LAMB3: variants seen among roughly 807,000 people sequenced by gnomAD.
LAMB3 encodes laminin subunit beta-3.
LAMB3 carries 104 observed loss-of-function variants against 140.3 expected under a neutral mutation model. The ratio of observed to expected loss-of-function variants is 0.74; its 90% CI spans 0.63 to 0.87. The LOEUF (loss-of-function observed/expected upper bound fraction) is 0.87, where lower values mean the gene tolerates loss of function less well. Ranked by LOEUF, LAMB3 falls within the 40% of genes least tolerant of loss-of-function variation. LAMB3 has a pLI of 0.00. For synonymous variants in LAMB3, 592 were observed against 602.9 expected (o/e 0.98, Z 0.26); for missense variants, 1,531 against 1,575.2 (o/e 0.97, Z 0.47).
In LAMB3 at chr1:209,623,779, G is replaced by A; in HGVS notation, c.2138-54C>T. On this transcript the variant is annotated intron_variant, in intron 15 of 22. Coordinates refer to ENST00000356082, the MANE Select transcript of LAMB3 (RefSeq NM_000228.3). The surrounding 1 kb of genome is among the most constrained non-coding windows in gnomAD (Gnocchi z 4.2). The stretch of plus-strand genomic sequence containing the variant: ...TGGAGGAGGAGCAGGAGGGAGAGGG[G>A]GTGGCATGCCCACCACGGCAGTGCC... 1 of 1,613,258 alleles carries A rather than the reference G, an allele frequency of 6.2e-7. No homozygotes were observed. Among genetic ancestry groups the A allele is most frequent in the Non-Finnish European group, 8.5e-7 (1 of 1,179,360 alleles).
At chr1:209,624,137 C>T in intron 14 of LAMB3, 137 bp from the exon 15 acceptor site, 1 of 726,474 alleles carries the variant, frequency 1.4e-6, no homozygotes, top group Non-Finnish European at 2.3e-6. Context: ...AGAGAATCCA[C>T]AGGCTAAGGG....
Position 209,625,809 on chromosome 1 carries a change from G to A in LAMB3, c.1815C>T (p.Ala605=). ...QALRFGRLRN[A]TASLWSGPGL... is the part of the protein sequence containing the mutation. Reference sequence around the variant, plus strand: ...CAGGCCCTGACCACAGGCTGGCGGTGGCATTGCGGAGTCTACCAAAGCGCA... The same window carrying A: ...CAGGCCCTGACCACAGGCTGGCGGTAGCATTGCGGAGTCTACCAAAGCGCA... Residue 605 remains alanine, a synonymous_variant, in exon 14 of 23, where the codon GCC becomes GCT. Coordinates refer to ENST00000356082, the MANE Select transcript of LAMB3 (RefSeq NM_000228.3). 6.2e-7 allele frequency: 1 copy of A among 1,614,138 alleles called. No homozygotes were observed. The highest frequency in any genetic ancestry group is 8.5e-7 in the Non-Finnish European group (1 of 1,180,014).
chr1:209,624,614 C>A (rs1051594750), intron 14 of LAMB3, among the ~76,000 whole-genome samples: 1 of 152,222 alleles, frequency 6.6e-6, no homozygotes, highest in Non-Finnish European at 1.5e-5. Flanking sequence ...TGGAATGCCC[C>A]TCCATGCCTG....
intron 3 of LAMB3, among the ~76,000 whole-genome samples, chr1:209,642,699 G>A (rs1388374692): frequency 2.0e-5 from 3 of 152,088 alleles, no homozygotes; most frequent in Admixed American, 1.3e-4. Context: ...GGCTGGTCTC[G>A]AACTCCTGAC....
At chr1:209,617,257 C>T (rs1420780712) in intron 21 of LAMB3, among the ~76,000 whole-genome samples, 153 bp downstream of exon 21, 1 of 152,202 alleles carries the variant, frequency 6.6e-6, no homozygotes, top group East Asian at 1.9e-4. Flanking sequence ...AATCAGATGC[C>T]TGGCCAGGTT....
intron 18 of LAMB3, among the ~76,000 whole-genome samples, chr1:209,621,050 A>T (rs1377185603): frequency 6.6e-6 from 1 of 152,110 alleles, no homozygotes; most frequent in African/African-American, 2.4e-5. Context: ...TCATCATAAG[A>T]CTTGACCTGA....
At position 209,630,709 on chromosome 1, in the gene LAMB3, G is replaced by T; in HGVS notation, c.849C>A (p.His283Gln). Residue 283 changes from histidine to glutamine, a missense_variant, in exon 9 of 23, where the codon CAC (histidine) becomes CAA (glutamine). Transcript: ENST00000356082. The stretch of plus-strand genomic sequence containing the variant: ...GCTCACAATTTGGGCCGGCAGTGTT[G>T]TGCTGGCAGACACAGACATCGTGGA... ...VQVHDVCVCQ[H>Q]NTAGPNCERC... 6.2e-7 allele frequency: 1 copy of T among 1,614,040 alleles called. No individual in the cohort carries two copies. Among genetic ancestry groups the T allele is most frequent in the Non-Finnish European group, 8.5e-7 (1 of 1,180,008 alleles).
rs764412477 is a variant in LAMB3 at position 209,629,885 on chromosome 1, G to C, written c.984C>G (p.Asp328Glu). 1 of 1,614,188 alleles carries C rather than the reference G, an allele frequency of 6.2e-7. No individual in the cohort carries two copies. Among genetic ancestry groups the C allele is most frequent in the Admixed American group, 1.7e-5 (1 of 60,032 alleles). ...CNGHSETCHF[D>E]PAVFAASQGA... Reference sequence around the variant, plus strand: ...CCTGGCTGGCGGCAAACACAGCGGGGTCAAAGTGACATGTCTCTGAGTGCC... The same window carrying C: ...CCTGGCTGGCGGCAAACACAGCGGGCTCAAAGTGACATGTCTCTGAGTGCC... Residue 328 changes from aspartate (D) to glutamate (E), a missense_variant, in exon 10 of 23, where the codon GAC (aspartate) becomes GAG (glutamate). Physicochemically the swap from Asp to Glu is conservative, Grantham distance 45 (BLOSUM62 2). Coordinates refer to ENST00000356082, the MANE Select transcript of LAMB3 (RefSeq NM_000228.3).
In LAMB3 at chr1:209,627,928, T is replaced by TG. The variant is rs1666531464; in HGVS notation, c.1288+106dup. On this transcript the variant is annotated intron_variant, in intron 11 of 22. Transcript: ENST00000356082. ...CCGGGCATACCCCCTCTGTCTACCC[T>TG]GCAGTGGGATTTCCTCTGAAGAGAG... 7 of 1,395,444 alleles carry TG rather than the reference T, an allele frequency of 5.0e-6. No individual in the cohort carries two copies. In the South Asian group the frequency reaches 8.6e-5, roughly 17 times the overall value. 86.4% of individuals were successfully genotyped at this position (1,395,444 alleles called of 1,614,324 possible). A position where few individuals can be genotyped will look rare whatever the true frequency, so the allele number is the denominator to read the frequency against.
Position 209,628,134 on chromosome 1 carries a change from C to T in LAMB3, c.1189G>A (p.Gly397Arg), listed in dbSNP as rs779219301. Reference sequence around the variant, plus strand: ...ACATGCTCCTTGCACACACACTGCCCGGTCACTGGGTCACAGGGAGCCCCT... The same window carrying T: ...ACATGCTCCTTGCACACACACTGCCTGGTCACTGGGTCACAGGGAGCCCCT... ...VPGAPCDPVT[G>R]QCVCKEHVQG... The change falls in exon 11 of 23, where the codon GGG becomes AGG. Residue 397 changes from glycine (G) to arginine (R), a missense_variant. Transcript: ENST00000356082. 5 of 1,580,926 alleles carry T rather than the reference C, an allele frequency of 3.2e-6. No individual in the cohort carries two copies. The highest frequency in any genetic ancestry group is 1.2e-5 in the South Asian group (1 of 86,772).
At chr1:209,634,406 A>T (rs760097804) in intron 6 of LAMB3, 41 bp downstream of exon 6, 1 of 1,592,174 alleles carries the variant, frequency 6.3e-7, no homozygotes, top group Non-Finnish European at 8.6e-7. Context: ...GACATCAGGG[A>T]TTTCTCCCCA....
At chr1:209,615,498 G>T in intron 22 of LAMB3, 91 bp from the exon 23 acceptor site, 1 of 1,431,334 alleles carries the variant, frequency 7.0e-7, no homozygotes, top group Non-Finnish European at 9.4e-7. Flanking sequence ...CTAACTGGAG[G>T]TAGCATGTGT....
In LAMB3 at chr1:209,623,465, G is replaced by T. The variant is rs7544976; in HGVS notation, c.2358+40C>A. The T allele has an allele frequency of 2.7e-3, 4,218 of 1,578,860 alleles. 86 individuals carry two copies. The African/African-American group carries it at 0.046, about 17-fold the overall frequency. Reference sequence around the variant, plus strand: ...AGCAGTTGGTGTGTGACAAGCTGGGGTGTGGGCTCCAGGAAGTGGGACTCC... The same window carrying T: ...AGCAGTTGGTGTGTGACAAGCTGGGTTGTGGGCTCCAGGAAGTGGGACTCC... On this transcript the variant is annotated intron_variant, in intron 16 of 22. Coordinates refer to ENST00000356082, the MANE Select transcript of LAMB3 (RefSeq NM_000228.3). The surrounding 1 kb of genome is among the most constrained non-coding windows in gnomAD (Gnocchi z 4.2).
intron 6 of LAMB3, among the ~76,000 whole-genome samples, chr1:209,633,613 A>G (rs1258442775): frequency 6.6e-6 from 1 of 152,200 alleles, no homozygotes; most frequent in Admixed American, 6.5e-5. Context: ...GAGTTTTCAC[A>G]TCAGCCCTCC....
chr1:209,625,857 A>C lies in LAMB3; in HGVS notation c.1767T>G (p.Asp589Glu). ...VACHPCFQTYDADLREQALRF... is the reference protein window; with the variant it reads ...VACHPCFQTYEADLREQALRF... ...GCAGGGCCTGCTCCCGGAGGTCCGC[A>C]TCATAGGTCTGGAAGCAAGGGTGGC... is the stretch of plus-strand genomic sequence containing the variant. Residue 589 changes from aspartate to glutamate, a missense_variant, in exon 14 of 23, where the codon GAT (aspartate) becomes GAG (glutamate). Transcript: ENST00000356082. 1 of 1,614,086 alleles carries C rather than the reference A, an allele frequency of 6.2e-7. No individual in the cohort carries two copies. Among genetic ancestry groups the C allele is most frequent in the Non-Finnish European group, 8.5e-7 (1 of 1,179,992 alleles).
intron 4 of LAMB3, 136 bp downstream of exon 4, chr1:209,638,398 A>T (rs947615372): frequency 2.4e-5 from 17 of 710,940 alleles, no homozygotes; most frequent in African/African-American, 3.5e-5. Flanking sequence ...AGGCAGAAAG[A>T]TTCTTCTTAT....
Position 209,649,981 on chromosome 1 carries a change from A to G in LAMB3, c.166T>C (p.Cys56Arg). 2 of 1,614,196 alleles carry G rather than the reference A, an allele frequency of 1.2e-6. No homozygotes were observed. Among genetic ancestry groups the G allele is most frequent in the South Asian group, 1.1e-5 (1 of 91,082 alleles). Reference sequence around the variant, plus strand: ...GGGCCTACCTCGCCATACTGGGTGCAGTAGGTCTCAGGCTTGGTCAGTCCA... The same window carrying G: ...GGGCCTACCTCGCCATACTGGGTGCGGTAGGTCTCAGGCTTGGTCAGTCCA... Reference protein sequence around the residue: ...TCGLTKPETYCTQYGEWQMKC... With the variant: ...TCGLTKPETYRTQYGEWQMKC... The change falls in exon 3 of 23, where the codon TGC becomes CGC. Residue 56 changes from cysteine to arginine, a missense_variant. Cys to Arg is a radical substitution (Grantham distance 180). Coordinates refer to ENST00000356082, the MANE Select transcript of LAMB3 (RefSeq NM_000228.3).
At chr1:209,630,029 G>T in intron 9 of LAMB3, 104 bp from the exon 10 acceptor site, 2 of 1,123,868 alleles carry the variant, frequency 1.8e-6, no homozygotes, top group Non-Finnish European at 1.3e-6. Context: ...TCTGCAAGAT[G>T]ATCAAGGCAG....
At chr1:209,633,343 C>T (rs1418806549) in intron 6 of LAMB3, among the ~76,000 whole-genome samples, 2 of 152,078 alleles carry the variant, frequency 1.3e-5, no homozygotes, top group African/African-American at 2.4e-5. Context: ...GTACCCCACC[C>T]CCAACCCCTG....
Sources: allele counts gnomAD v4.1 joint callset (sites outside exome capture counted in the v4.1 genomes callset), GRCh38; gene constraint gnomAD v4.1.1; non-coding constraint Gnocchi (gnomAD v3.1); transcripts MANE v1.5; gene names NCBI Gene and HGNC (gene_info 2026-07-23, HGNC 2026-07-21).